INSC: variants seen among roughly 807,000 people sequenced by gnomAD.
INSC encodes the protein protein inscuteable homolog.
A neutral mutation model predicts 58.6 loss-of-function variants in INSC; 67 were observed. The ratio of observed to expected loss-of-function variants is 1.14; its 90% confidence interval spans 0.94 to 1.40. The LOEUF (loss-of-function observed/expected upper bound fraction) is 1.40, where lower values mean the gene tolerates loss of function less well. Among genes scored for constraint, INSC ranks in the 40% most tolerant of loss-of-function variants. INSC has a pLI of 0.00. For synonymous variants in INSC, 262 were observed against 276.1 expected (o/e 0.95, Z 0.51); for missense variants, 714 against 692.0 (o/e 1.03, Z -0.36).
intron 9 of INSC, among the ~76,000 whole-genome samples, chr11:15,226,262 T>A (rs1410983977): frequency 6.6e-6 from 1 of 152,104 alleles, no homozygotes; most frequent in African/African-American, 2.4e-5. Context: ...CGTCTAACAC[T>A]GAACCCTATA....
the INSC span, among the ~76,000 whole-genome samples, chr11:15,261,427 TA>T: frequency 6.6e-6 from 1 of 152,194 alleles, no homozygotes; most frequent in African/African-American, 2.4e-5. Flanking sequence ...CTTTAAAGTA[TA>T]AAGTAACACA....
intron 1 of INSC, among the ~76,000 whole-genome samples, chr11:15,128,624 A>G (rs1270481784): frequency 1.3e-5 from 2 of 152,184 alleles, no homozygotes; most frequent in African/African-American, 4.8e-5. Flanking sequence ...TAAGGACTGC[A>G]TGGGATAGGG....
intron 2 of INSC, among the ~76,000 whole-genome samples, chr11:15,155,586 C>G (rs1564873590): frequency 6.6e-6 from 1 of 152,176 alleles, no homozygotes. Flanking sequence ...GCACACAGGC[C>G]CAGTGCCTGG....
At chr11:15,134,792 C>G (rs961399267) in intron 1 of INSC, among the ~76,000 whole-genome samples, 1 of 151,836 alleles carries the variant, frequency 6.6e-6, no homozygotes, top group East Asian at 1.9e-4. Context: ...TTAGGTGGCT[C>G]TACTCCAAGC....
intron 6 of INSC, among the ~76,000 whole-genome samples, chr11:15,197,712 C>A (rs1945637): frequency 0.024 from 3,599 of 152,296 alleles, 131 homozygotes; most frequent in African/African-American, 0.067. Context: ...ATGATGGTGA[C>A]AAACTCCATC....
intron 7 of INSC, among the ~76,000 whole-genome samples, chr11:15,206,414 C>T (rs574177403): frequency 6.6e-6 from 1 of 152,270 alleles, no homozygotes; most frequent in African/African-American, 2.4e-5. Flanking sequence ...CAGGGAGCCA[C>T]CCAATGGGGC....
intron 1 of INSC, among the ~76,000 whole-genome samples, chr11:15,140,580 CTTCTTTT>C (rs1184883675): frequency 1.3e-5 from 2 of 149,518 alleles, no homozygotes; most frequent in Non-Finnish European, 3.0e-5. Context: ...TTCTTTCTTT[CTTCTTTT>C]TTTTTTTTTT....
chr11:15,238,244 C>G (rs1227441932), intron 10 of INSC, among the ~76,000 whole-genome samples: 1 of 152,116 alleles, frequency 6.6e-6, no homozygotes, highest in African/African-American at 2.4e-5. Context: ...TAGGAGGCTT[C>G]TCAGCAGAGA....
intron 7 of INSC, among the ~76,000 whole-genome samples, chr11:15,207,099 G>C (rs557211566): frequency 2.0e-5 from 3 of 152,246 alleles, no homozygotes; most frequent in East Asian, 3.9e-4. Context: ...CTGGAGACTA[G>C]AGCTGGACTG....
At chr11:15,260,893 G>A in the INSC span, among the ~76,000 whole-genome samples, 2 of 152,156 alleles carry the variant, frequency 1.3e-5, 1 homozygote, top group South Asian at 4.1e-4. Context: ...ATATATAGGA[G>A]CTACAAATTA....
chr11:15,232,825 A>G (rs1851975433), intron 9 of INSC, among the ~76,000 whole-genome samples: 1 of 152,210 alleles, frequency 6.6e-6, no homozygotes, highest in Admixed American at 6.5e-5. Context: ...CCCCTGAGCC[A>G]AAGAATGAGA....
intron 5 of INSC, 78 bp downstream of exon 5, chr11:15,178,525 G>A: frequency 6.5e-7 from 1 of 1,527,208 alleles, no homozygotes; most frequent in Non-Finnish European, 8.8e-7. Flanking sequence ...GGCTGAGCCA[G>A]GCTTGGGGAA....
rs766208816 is a variant in INSC at position 15,149,157 on chromosome 11, C to G, written c.-18C>G. ...TCACGACCGCTGCAAGCAGGCTTTG[C>G]TGCAGATTGGGATCAACATGATGGC... is the stretch of plus-strand genomic sequence containing the variant. On this transcript the variant is annotated 5_prime_UTR_variant, in exon 2 of 13. Coordinates refer to ENST00000379556, the MANE Select transcript of INSC (RefSeq NM_001042536.3). 1 of 1,611,318 alleles carries G rather than the reference C, an allele frequency of 6.2e-7. No homozygotes were observed. The highest frequency in any genetic ancestry group is 8.5e-7 in the Non-Finnish European group (1 of 1,178,818).
chr11:15,179,837 G>T (rs1237595852), intron 5 of INSC, among the ~76,000 whole-genome samples: 1 of 152,232 alleles, frequency 6.6e-6, no homozygotes, highest in Admixed American at 6.5e-5. Context: ...TGATGAGCAA[G>T]AAATATTGGA....
chr11:15,171,156 G>A (rs1370285421), intron 2 of INSC, among the ~76,000 whole-genome samples: 1 of 152,108 alleles, frequency 6.6e-6, no homozygotes, highest in Non-Finnish European at 1.5e-5. Flanking sequence ...TGTGGGGTTG[G>A]GTTGGTTCTT....
upstream of INSC, chr11:15,112,300 A>C (rs1411060231): frequency 2.0e-6 from 1 of 489,048 alleles, no homozygotes; most frequent in Non-Finnish European, 3.6e-6. Flanking sequence ...AGGAAGCTTC[A>C]ACTCTGAGCT....
intron 8 of INSC, among the ~76,000 whole-genome samples, chr11:15,222,143 A>G (rs1360592532): frequency 2.0e-5 from 3 of 152,176 alleles, no homozygotes; most frequent in Non-Finnish European, 4.4e-5. Flanking sequence ...CCTTGAAAGC[A>G]TTGACTCCTC....
At chr11:15,229,976 A>AT (rs1851818183) in intron 9 of INSC, among the ~76,000 whole-genome samples, 4 of 14,850 alleles carry the variant, frequency 2.7e-4, no homozygotes, top group Admixed American at 1.1e-3. Flanking sequence ...ATATATATAT[A>AT]TATTATATAT....
At chr11:15,226,963 G>A (rs913564042) in intron 9 of INSC, among the ~76,000 whole-genome samples, 5 of 152,222 alleles carry the variant, frequency 3.3e-5, no homozygotes, top group South Asian at 4.1e-4. Context: ...CCTCAGAATC[G>A]CCTGTGAAAG....
Sources: allele counts gnomAD v4.1 joint callset (sites outside exome capture counted in the v4.1 genomes callset), GRCh38; gene constraint gnomAD v4.1.1; transcripts MANE v1.5; gene names NCBI Gene and HGNC (gene_info 2026-07-23, HGNC 2026-07-21).